The following SEMA6D variants were observed in gnomAD, a reference collection of about 807,000 sequenced individuals.
The protein encoded by SEMA6D is semaphorin 6D.
Under a neutral mutation model 106.6 loss-of-function variants are expected in SEMA6D, and 35 were observed. The ratio of observed to expected loss-of-function variants is 0.33; its 90% confidence interval spans 0.25 to 0.44. The LOEUF (loss-of-function observed/expected upper bound fraction) is 0.44. Ranked by LOEUF, SEMA6D falls within the 20% of genes least tolerant of loss-of-function variation. The pLI is 1.00. For missense variants in SEMA6D, 1,185 were observed against 1,345.9 expected (o/e 0.88, Z 1.87); for synonymous variants, 499 against 487.7 (o/e 1.02, Z -0.31).
At chr15:47,270,388 A>T (rs141584108) in intron 1 of SEMA6D, among the ~76,000 whole-genome samples, 1 of 151,900 alleles carries the variant, frequency 6.6e-6, no homozygotes, top group Non-Finnish European at 1.5e-5. Context: ...AGGATTTTCT[A>T]CATAGATAAT....
rs116089742 is a variant in SEMA6D at position 47,282,066 on chromosome 15, A to G, written c.-239+97648A>G. ...ATAATTGTCCTTATTACTGTAAATT[A>G]TGTGATAATAATGTGCTTAGTATCC... On this transcript the variant is annotated intron_variant, in intron 1 of 19. Transcript: ENST00000558014. 6.9e-3 allele frequency among the ~76,000 whole-genome samples: 1,047 copies of G among 152,298 alleles called. 14 individuals are homozygous for G. The highest frequency in any genetic ancestry group is 0.024 in the African/African-American group (1,003 of 41,574).
At chr15:47,675,449 C>T (rs960493275) in intron 4 of SEMA6D, among the ~76,000 whole-genome samples, 1 of 152,074 alleles carries the variant, frequency 6.6e-6, no homozygotes, top group African/African-American at 2.4e-5. Context: ...AGGGGCACAG[C>T]AGGAAAGTAG....
At chr15:47,251,907 ATTTTTTTTTTTT>A (rs994788645) in intron 1 of SEMA6D, among the ~76,000 whole-genome samples, 2 of 81,996 alleles carry the variant, frequency 2.4e-5, no homozygotes, top group Non-Finnish European at 4.6e-5. Flanking sequence ...TTCTAATTGG[ATTTTTTTTTTTT>A]TTTTTTTTTT....
At chr15:47,655,322 A>G (rs1321827237) in intron 4 of SEMA6D, among the ~76,000 whole-genome samples, 1 of 152,224 alleles carries the variant, frequency 6.6e-6, no homozygotes, top group Non-Finnish European at 1.5e-5. Flanking sequence ...ATTTATGTGT[A>G]TATTTTTAAC....
intron 3 of SEMA6D, among the ~76,000 whole-genome samples, chr15:47,533,899 C>A (rs961841062): frequency 2.0e-5 from 3 of 152,186 alleles, no homozygotes; most frequent in Middle Eastern, 3.2e-3. Flanking sequence ...AGTCAAAATT[C>A]AAAATGGCAG....
At chr15:47,547,171 C>T (rs1230666435) in intron 3 of SEMA6D, among the ~76,000 whole-genome samples, 1 of 151,990 alleles carries the variant, frequency 6.6e-6, no homozygotes, top group Non-Finnish European at 1.5e-5. Context: ...AGCTATGTGG[C>T]TGGAGAATCA....
At chr15:47,616,422 A>T (rs1413187840) in intron 4 of SEMA6D, among the ~76,000 whole-genome samples, 1 of 152,078 alleles carries the variant, frequency 6.6e-6, no homozygotes, top group African/African-American at 2.4e-5. Flanking sequence ...CACTTGCCTC[A>T]GCCTCCCAAA....
chr15:47,574,093 A>G (rs1173377752), intron 3 of SEMA6D, among the ~76,000 whole-genome samples: 2 of 152,228 alleles, frequency 1.3e-5, no homozygotes, highest in African/African-American at 2.4e-5. Context: ...TGTGAAGCCA[A>G]CTGGGTTTCA....
At chr15:47,742,295 A>G (rs2080868621) in intron 1 of SEMA6D, among the ~76,000 whole-genome samples, 1 of 74,406 alleles carries the variant, frequency 1.3e-5, no homozygotes, top group Non-Finnish European at 2.7e-5. Context: ...TGTCCCTTTA[A>G]AAAAAAACCA....
At chr15:47,570,156 C>G (rs1489078176) in intron 3 of SEMA6D, among the ~76,000 whole-genome samples, 1 of 151,998 alleles carries the variant, frequency 6.6e-6, no homozygotes, top group African/African-American at 2.4e-5. Context: ...TTATTAAAAT[C>G]AAAAAATTTC....
intron 1 of SEMA6D, among the ~76,000 whole-genome samples, chr15:47,339,396 A>G (rs1437793540): frequency 6.6e-6 from 1 of 152,062 alleles, no homozygotes; most frequent in Non-Finnish European, 1.5e-5. Flanking sequence ...ATCTCCAGGT[A>G]GTGTTGGAAT....
intron 4 of SEMA6D, among the ~76,000 whole-genome samples, chr15:47,679,000 G>A (rs1340917401): frequency 6.6e-6 from 1 of 152,146 alleles, no homozygotes; most frequent in African/African-American, 2.4e-5. Flanking sequence ...CCTTACGAAT[G>A]CTGGTCCTCT....
At chr15:47,708,467 T>G (rs539990672) in intron 4 of SEMA6D, among the ~76,000 whole-genome samples, 10 of 152,334 alleles carry the variant, frequency 6.6e-5, no homozygotes, top group African/African-American at 2.4e-4. Flanking sequence ...ACCTGCAGTA[T>G]TATGCATTTC....
intron 1 of SEMA6D, among the ~76,000 whole-genome samples, chr15:47,234,446 A>G (rs1014948997): frequency 6.6e-6 from 1 of 151,994 alleles, no homozygotes; most frequent in African/African-American, 2.4e-5. Flanking sequence ...TTGCTGCTTG[A>G]GCAGGGTACA....
At chr15:47,532,302 T>C (rs1368362075) in intron 3 of SEMA6D, among the ~76,000 whole-genome samples, 1 of 152,206 alleles carries the variant, frequency 6.6e-6, no homozygotes, top group Non-Finnish European at 1.5e-5. Flanking sequence ...AATAAAGACA[T>C]TTATTGAAAG....
intron 3 of SEMA6D, among the ~76,000 whole-genome samples, chr15:47,564,005 T>C (rs749223212): frequency 1.1e-4 from 17 of 152,216 alleles, no homozygotes; most frequent in Admixed American, 2.0e-4. Context: ...TCCTTTGTCA[T>C]ACTTCCTTGG....
intron 1 of SEMA6D, among the ~76,000 whole-genome samples, chr15:47,193,280 T>C (rs1595720368): frequency 6.6e-6 from 1 of 152,298 alleles, no homozygotes; most frequent in East Asian, 1.9e-4. Context: ...TGAGTATCCC[T>C]AATATGAAAA....
At chr15:47,663,555 A>G (rs887463486) in intron 4 of SEMA6D, among the ~76,000 whole-genome samples, 10 of 152,172 alleles carry the variant, frequency 6.6e-5, no homozygotes, top group African/African-American at 2.4e-4. Context: ...GTGCCCAGAA[A>G]TGAAAAAAAT....
chr15:47,354,191 CTCTCTCTCTATATATATATA>C (rs150664722), intron 1 of SEMA6D, among the ~76,000 whole-genome samples: 65,227 of 109,192 alleles, frequency 0.6, 17,566 homozygotes, highest in South Asian at 0.66. Flanking sequence ...CTCTCTCTCT[CTCTCTCTCTATATATATATA>C]TATATATATA....
Sources: gnomAD v4.1 joint callset for allele counts (sites outside exome capture counted in the v4.1 genomes callset) on GRCh38, gnomAD v4.1.1 for gene constraint, MANE v1.5 for transcripts, NCBI Gene and HGNC (gene_info 2026-07-23, HGNC 2026-07-21) for gene names.